Variants in TGFB2 observed in about 807,000 individuals in gnomAD.
TGFB2 encodes transforming growth factor beta-2 proprotein.
Under a neutral mutation model 42.7 loss-of-function variants are expected in TGFB2, and 13 were observed. That is an observed-to-expected ratio of 0.30 (90% CI 0.20 to 0.48). The LOEUF (loss-of-function observed/expected upper bound fraction) is 0.48, where lower values mean the gene tolerates loss of function less well. TGFB2 is among the 20% of genes least tolerant of loss of function. The pLI is 0.99. For missense variants in TGFB2, 390 were observed against 517.5 expected (o/e 0.75, Z 2.39); for synonymous variants, 193 against 193.6 (o/e 1.00, Z 0.03).
At chr1:218,438,363 G>A (rs574907859) in intron 6 of TGFB2, among the ~76,000 whole-genome samples, 18 of 152,284 alleles carry the variant, frequency 1.2e-4, no homozygotes, top group African/African-American at 3.9e-4. Flanking sequence ...GGGGATTTCA[G>A]TTAATGCCTG....
At chr1:218,368,291 C>T (rs565828778) in intron 1 of TGFB2, among the ~76,000 whole-genome samples, 1 of 152,060 alleles carries the variant, frequency 6.6e-6, no homozygotes, top group Non-Finnish European at 1.5e-5. Context: ...ATTACAGGCA[C>T]ACACCACCAC....
chr1:218,420,340 G>A (rs1031223254), intron 2 of TGFB2, among the ~76,000 whole-genome samples: 2 of 152,146 alleles, frequency 1.3e-5, no homozygotes, highest in African/African-American at 4.8e-5. Context: ...TCTCTCGCCT[G>A]GTCTATACTG....
At chr1:218,405,146 A>G (rs762304091) in intron 1 of TGFB2, 23 bp from the exon 2 acceptor site, 13 of 1,551,592 alleles carry the variant, frequency 8.4e-6, no homozygotes, top group Middle Eastern at 1.7e-4. Context: ...ATCATTTTCA[A>G]TGATTGCCCT....
At chr1:218,403,271 A>G (rs1180130391) in intron 1 of TGFB2, among the ~76,000 whole-genome samples, 1 of 152,068 alleles carries the variant, frequency 6.6e-6, no homozygotes, top group African/African-American at 2.4e-5. Flanking sequence ...CTCAATTCAC[A>G]CAGTCATTTT....
Position 218,423,963 on chromosome 1 carries a change from C to T in TGFB2, c.511-10119C>T, listed in dbSNP as rs552392755. Among the ~76,000 whole-genome samples, 13 of 152,324 alleles carry T rather than the reference C, an allele frequency of 8.5e-5. No individual in the cohort carries two copies. In the South Asian group the frequency reaches 1.0e-3, roughly 12 times the overall value. On this transcript the variant is annotated intron_variant, in intron 2 of 6. Transcript: ENST00000366930. The stretch of plus-strand genomic sequence containing the variant: ...TGACTCCAAAGCCTCTGCACCTTTT[C>T]GCTACGCTAATGATTTTCAAAGGCA...
Position 218,415,694 on chromosome 1 carries a change from C to CAAAAAA in TGFB2, c.510+10366_510+10367insAAAAAA, listed in dbSNP as rs779476856. 6.2e-4 allele frequency among the ~76,000 whole-genome samples: 25 copies of CAAAAAA among 40,150 alleles called. 5 individuals carry two copies. The highest frequency in any genetic ancestry group is 1.3e-3 in the African/African-American group (12 of 8,914). 26.3% of individuals were successfully genotyped at this position (40,150 alleles called of 152,430 possible). On this transcript the variant is annotated intron_variant, in intron 2 of 6. Transcript: ENST00000366930. ...TGGGCGACAGAGCGAGACTCTGTCT[C>CAAAAAA]AAAAGAAAAAAAAAAAAAAAAAAAA... is the stretch of plus-strand genomic sequence containing the variant.
chr1:218,356,825 C>T (rs745550859), intron 1 of TGFB2, among the ~76,000 whole-genome samples: 2 of 152,166 alleles, frequency 1.3e-5, no homozygotes, highest in African/African-American at 2.4e-5. Flanking sequence ...ATCTCACCTC[C>T]GCAACCAAGC....
intron 6 of TGFB2, among the ~76,000 whole-genome samples, chr1:218,439,195 A>G (rs1355337393): frequency 6.6e-6 from 1 of 151,892 alleles, no homozygotes; most frequent in African/African-American, 2.4e-5. Flanking sequence ...GTGACAAACC[A>G]AGGCTTGGCA....
At chr1:218,437,555 A>G (rs920065468) in intron 6 of TGFB2, 59 bp downstream of exon 6, 26 of 1,510,656 alleles carry the variant, frequency 1.7e-5, no homozygotes, top group Non-Finnish European at 2.1e-5. Context: ...ACCTGCTGAT[A>G]GTATTTCCAA....
At chr1:218,407,560 C>T (rs899282013) in intron 2 of TGFB2, among the ~76,000 whole-genome samples, 1 of 152,216 alleles carries the variant, frequency 6.6e-6, no homozygotes, top group Non-Finnish European at 1.5e-5. Flanking sequence ...TGACCAGACA[C>T]TATGCTGAGC....
At position 218,434,136 on chromosome 1, in the gene TGFB2, G is replaced by T; in HGVS notation, c.565G>T (p.Val189Phe). 1 of 1,614,200 alleles carries T rather than the reference G, an allele frequency of 6.2e-7. No individual in the cohort carries two copies. The highest frequency in any genetic ancestry group is 8.5e-7 in the Non-Finnish European group (1 of 1,180,030). The change falls in exon 3 of 7, where the codon GTT (valine) becomes TTT (phenylalanine). Residue 189 changes from valine (V) to phenylalanine (F), a missense_variant. By Grantham distance (50) the Val-to-Phe change is conservative. Coordinates refer to ENST00000366930, the MANE Select transcript of TGFB2 (RefSeq NM_003238.6). ...AACCCAGCGCTACATCGACAGCAAA[G>T]TTGTGAAAACAAGAGCAGAAGGCGA... is the stretch of plus-strand genomic sequence containing the variant. ...SPTQRYIDSK[V>F]VKTRAEGEWL...
chr1:218,427,317 CT>C (rs1200991918), intron 2 of TGFB2, among the ~76,000 whole-genome samples: 2 of 151,936 alleles, frequency 1.3e-5, no homozygotes, highest in South Asian at 2.1e-4. Context: ...TATTCTGCTT[CT>C]TTTTTTTCTT....
intron 1 of TGFB2, among the ~76,000 whole-genome samples, chr1:218,393,233 T>C (rs1192650089): frequency 1.3e-5 from 2 of 152,218 alleles, no homozygotes; most frequent in Admixed American, 6.5e-5. Context: ...ATAAGAGTGC[T>C]TTCTTTGCAG....
At chr1:218,357,430 A>G (rs1657075123) in intron 1 of TGFB2, among the ~76,000 whole-genome samples, 1 of 152,188 alleles carries the variant, frequency 6.6e-6, no homozygotes, top group African/African-American at 2.4e-5. Context: ...ACACCACTTC[A>G]GTGATGTGGA....
At chr1:218,435,337 C>T (rs1193209681) in intron 4 of TGFB2, among the ~76,000 whole-genome samples, 4 of 152,162 alleles carry the variant, frequency 2.6e-5, no homozygotes, top group Non-Finnish European at 1.5e-5. Context: ...CTTAAACTGG[C>T]AGTCTCTTGA....
chr1:218,415,815 G>A (rs761486630), intron 2 of TGFB2, among the ~76,000 whole-genome samples: 9 of 151,866 alleles, frequency 5.9e-5, no homozygotes, highest in Non-Finnish European at 1.3e-4. Flanking sequence ...TCTGAAACTG[G>A]AGATAACATT....
chr1:218,379,716 C>T (rs1447675981), intron 1 of TGFB2, among the ~76,000 whole-genome samples: 2 of 152,066 alleles, frequency 1.3e-5, no homozygotes, highest in South Asian at 4.1e-4. Flanking sequence ...TTCAGTCAGT[C>T]CTGATTTTTC....
intron 1 of TGFB2, 140 bp downstream of exon 1, chr1:218,347,187 A>G: frequency 2.9e-6 from 2 of 689,884 alleles, no homozygotes; most frequent in East Asian, 2.8e-5. Flanking sequence ...TCACCCCACC[A>G]CCTCCTTTTC....
rs946950460 is a variant in TGFB2, at chr1:218,373,644, G to A, written c.346+26597G>A. Among the ~76,000 whole-genome samples the A allele has an allele frequency of 8.6e-5, 13 of 151,858 alleles. No homozygotes were observed. The East Asian group carries it at 1.9e-3, about 23-fold the overall frequency. ...GTAACATCACGTGTAATTTCCTCAC[G>A]ATCACACAGCTGTCTGACTCCAAAG... On this transcript the variant is annotated intron_variant, in intron 1 of 6. Transcript: ENST00000366930.
Sources: allele counts gnomAD v4.1 joint callset (sites outside exome capture counted in the v4.1 genomes callset), GRCh38; gene constraint gnomAD v4.1.1; transcripts MANE v1.5; gene names NCBI Gene and HGNC (gene_info 2026-07-23, HGNC 2026-07-21).